SDAD1: variants seen among roughly 807,000 people sequenced by gnomAD.
The protein encoded by SDAD1 is protein SDA1 homolog.
A neutral mutation model predicts 100.3 loss-of-function variants in SDAD1; 79 were observed. That is an observed-to-expected ratio of 0.79 (90% CI 0.66 to 0.95). The LOEUF (loss-of-function observed/expected upper bound fraction) is 0.95, where lower values mean the gene tolerates loss of function less well. SDAD1 is among the 40% of genes least tolerant of loss of function. The pLI is 0.00. For missense variants in SDAD1, 790 were observed against 810.9 expected (o/e 0.97, Z 0.31); for synonymous variants, 267 against 271.4 (o/e 0.98, Z 0.16).
rs763181092 is a variant in SDAD1 at position 75,970,367 on chromosome 4, C to CT, written c.824dup (p.Lys276GlufsTer8). The CT allele has an allele frequency of 6.2e-7, 1 of 1,613,038 alleles. No homozygotes were observed. Among genetic ancestry groups the CT allele is most frequent in the South Asian group, 1.1e-5 (1 of 91,056 alleles). ...AGTTAAACACCTCTGGTTTTTTCTT[C>CT]TTTTTTTGTTTCTGAAAGGGAGAGG... On this transcript the variant is annotated frameshift_variant, in exon 10 of 22. Transcript: ENST00000356260. LOFTEE classifies it high-confidence loss of function.
intron 14 of SDAD1, among the ~76,000 whole-genome samples, chr4:75,962,798 T>A (rs1217906520): frequency 6.6e-6 from 1 of 152,234 alleles, no homozygotes; most frequent in African/African-American, 2.4e-5. Flanking sequence ...ATTAGCCCTT[T>A]GTCAGATGGG....
intron 14 of SDAD1, among the ~76,000 whole-genome samples, chr4:75,962,477 G>A (rs955427444): frequency 6.6e-6 from 1 of 152,214 alleles, no homozygotes; most frequent in Non-Finnish European, 1.5e-5. Flanking sequence ...TAGCCACACT[G>A]TCTTCCACAA....
intron 14 of SDAD1, among the ~76,000 whole-genome samples, chr4:75,963,286 T>TACCAGTACCATGCTGTTTTGG (rs1553918463): frequency 2.6e-5 from 4 of 151,964 alleles, no homozygotes; most frequent in Non-Finnish European, 2.9e-5. Context: ...GCTGTTTTGG[T>TACCAGTACCATGCTGTTTTGG]TACTGTAGCC....
chr4:75,959,976 G>T, intron 17 of SDAD1, 90 bp downstream of exon 17: 2 of 1,337,082 alleles, frequency 1.5e-6, no homozygotes, highest in Non-Finnish European at 1.0e-6. Context: ...AATATCTGCT[G>T]AATGAATGTT....
chr4:75,983,256 T>G (rs1351824697), intron 1 of SDAD1, among the ~76,000 whole-genome samples: 3 of 152,230 alleles, frequency 2.0e-5, no homozygotes, highest in Non-Finnish European at 4.4e-5. Flanking sequence ...TAAACATATG[T>G]GTACATGTGT....
chr4:75,957,369 T>C lies in SDAD1; in HGVS notation c.1810A>G (p.Lys604Glu). ...LSLRDIERLH[K>E]KPKSDKETRL... ...GTCTCTTTGTCAGACTTTGGCTTTT[T>C]ATGAAGGCGTTCAATGTCCCGAAGA... The change falls in exon 20 of 22, where the codon AAA becomes GAA. Residue 604 changes from lysine (K) to glutamate (E), a missense_variant. Coordinates refer to ENST00000356260, the MANE Select transcript of SDAD1 (RefSeq NM_018115.4). 1.2e-6 allele frequency: 2 copies of C among 1,614,186 alleles called. No individual in the cohort carries two copies. The highest frequency in any genetic ancestry group is 2.2e-5 in the East Asian group (1 of 44,880).
In SDAD1 at chr4:75,971,367, T is replaced by C. The variant is rs144804450; in HGVS notation, c.803A>G (p.Lys268Arg). The change falls in exon 9 of 22, where the codon AAA becomes AGA. Residue 268 changes from lysine to arginine, a missense_variant. Transcript: ENST00000356260. ...AGATACAAGTCCCACCTTGAGCACT[T>C]TCATTGCCTTTTCCAACTTTTTCTT... Reference protein sequence around the residue: ...KNKKKLEKAMKVLKKQKKKKK... With the variant: ...KNKKKLEKAMRVLKKQKKKKK... The C allele has an allele frequency of 6.2e-7, 1 of 1,612,564 alleles. No individual in the cohort carries two copies. The highest frequency in any genetic ancestry group is 1.3e-5 in the African/African-American group (1 of 75,010).
In SDAD1 at chr4:75,974,145, C is replaced by G. The variant is rs1730022785; in HGVS notation, c.579-12G>C. 9 of 1,611,466 alleles carry G rather than the reference C, an allele frequency of 5.6e-6. 1 individual carries two copies. Among genetic ancestry groups the G allele is most frequent in the African/African-American group, 1.3e-5 (1 of 74,976 alleles). ...TTTTTGCATCATTCCTGGGGGAAGA[C>G]AATGAATGCTTTGAAGTAAATTTTC... On this transcript the variant is annotated splice_polypyrimidine_tract_variant and intron_variant, in intron 6 of 21. Coordinates refer to ENST00000356260, the MANE Select transcript of SDAD1 (RefSeq NM_018115.4).
intron 1 of SDAD1, among the ~76,000 whole-genome samples, chr4:75,990,238 T>G (rs1289385229): frequency 6.7e-6 from 1 of 149,394 alleles, no homozygotes; most frequent in African/African-American, 2.5e-5. Context: ...TAACTAAATA[T>G]ACTAAGCTCC....
intron 1 of SDAD1, among the ~76,000 whole-genome samples, chr4:75,986,373 T>C (rs1225675078): frequency 6.6e-6 from 1 of 152,176 alleles, no homozygotes; most frequent in Non-Finnish European, 1.5e-5. Context: ...CATTTCATAC[T>C]TTGCAATCTG....
At chr4:75,979,975 G>A (rs908989746) in intron 3 of SDAD1, among the ~76,000 whole-genome samples, 4 of 151,104 alleles carry the variant, frequency 2.6e-5, no homozygotes, top group East Asian at 2.0e-4. Flanking sequence ...CCAAGAAGCC[G>A]GGACTACAGG....
rs751298884 is a variant in SDAD1 at position 75,973,355 on chromosome 4, C to T, written c.673G>A (p.Asp225Asn). Residue 225 changes from aspartate to asparagine, a missense_variant, in exon 8 of 22, where the codon GAT (aspartate) becomes AAT (asparagine). By Grantham distance (23) the Asp-to-Asn change is conservative. Transcript: ENST00000356260. ...TCACTGTCCTGTTTTTCATCTTCAT[C>T]TTTCCCAAGAAAGAATGTCAAAGCG... ...VAALTFFLGK[D>N]EDEKQDSDSE... 16 of 1,613,746 alleles carry T rather than the reference C, an allele frequency of 9.9e-6. No individual in the cohort carries two copies. In the African/African-American group the frequency reaches 2.0e-4, roughly 20 times the overall value.
chr4:75,951,686 A>G (rs942349607), intron 21 of SDAD1, among the ~76,000 whole-genome samples: 3 of 152,204 alleles, frequency 2.0e-5, no homozygotes, highest in African/African-American at 7.2e-5. Context: ...AGACTGAAGG[A>G]TCAGTGTCTG....
chr4:75,961,369 C>T (rs1426607187), intron 14 of SDAD1, 61 bp from the exon 15 acceptor site: 7 of 1,208,310 alleles, frequency 5.8e-6, no homozygotes, highest in African/African-American at 1.5e-5. Context: ...TGATTCAACA[C>T]AGGAAGACTT....
At chr4:75,972,792 C>T (rs561430490) in intron 8 of SDAD1, among the ~76,000 whole-genome samples, 12 of 151,164 alleles carry the variant, frequency 7.9e-5, no homozygotes, top group African/African-American at 2.4e-4. Context: ...GAGGCCGAGG[C>T]GGGTGGATCG....
Position 75,950,563 on chromosome 4 carries a change from T to C in SDAD1, c.*187A>G, listed in dbSNP as rs914885100. 10 of 480,302 alleles carry C rather than the reference T, an allele frequency of 2.1e-5. No homozygotes were observed. The highest frequency in any genetic ancestry group is 3.5e-5 in the Non-Finnish European group (9 of 258,568). 29.8% of individuals were successfully genotyped at this position (480,302 alleles called of 1,614,324 possible). A position where few individuals can be genotyped will look rare whatever the true frequency, so the allele number is the denominator to read the frequency against. Reference sequence around the variant, plus strand: ...ATGATTTTACATTACCACCACTATTTACATTAACATTCCTACCATTAGCCG... The same window carrying C: ...ATGATTTTACATTACCACCACTATTCACATTAACATTCCTACCATTAGCCG... On this transcript the variant is annotated 3_prime_UTR_variant, in exon 22 of 22. Coordinates refer to ENST00000356260, the MANE Select transcript of SDAD1 (RefSeq NM_018115.4).
At chr4:75,981,833 A>C (rs1730539045) in intron 2 of SDAD1, 100 bp downstream of exon 2, 4 of 886,804 alleles carry the variant, frequency 4.5e-6, no homozygotes, top group African/African-American at 1.7e-5. Context: ...ATTTTAATTA[A>C]GTTCCCATTC....
intron 11 of SDAD1, among the ~76,000 whole-genome samples, chr4:75,969,030 C>CAAA (rs35570189): frequency 1.3e-3 from 82 of 63,994 alleles, no homozygotes; most frequent in African/African-American, 2.4e-3. Flanking sequence ...GACTCTGTCT[C>CAAA]AAAAAAAAAA....
chr4:75,984,774 CACAA>C lies in SDAD1; in HGVS notation c.91-2741_91-2738del, dbSNP rs1294735211. Reference sequence around the variant, plus strand: ...AAATTATGTGACATACACACACACACACAAACACACACACACACACACACACACA... The same window carrying C: ...AAATTATGTGACATACACACACACACACACACACACACACACACACACACA... On this transcript the variant is annotated intron_variant, in intron 1 of 21. Coordinates refer to ENST00000356260, the MANE Select transcript of SDAD1 (RefSeq NM_018115.4). Among the ~76,000 whole-genome samples, 480 of 132,724 alleles carry C rather than the reference CACAA, an allele frequency of 3.6e-3. 3 individuals carry two copies. Among genetic ancestry groups the C allele is most frequent in the Middle Eastern group, 0.011 (3 of 272 alleles). 87.1% of individuals were successfully genotyped at this position (132,724 alleles called of 152,430 possible). A position where few individuals can be genotyped will look rare whatever the true frequency, so the allele number is the denominator to read the frequency against.
Sources: gnomAD v4.1 joint callset for allele counts (sites outside exome capture counted in the v4.1 genomes callset) on GRCh38, gnomAD v4.1.1 for gene constraint, MANE v1.5 for transcripts, NCBI Gene and HGNC (gene_info 2026-07-23, HGNC 2026-07-21) for gene names.